The following ABR variants were observed in gnomAD, a reference collection of about 807,000 sequenced individuals.
ABR encodes active breakpoint cluster region-related protein.
ABR carries 35 observed loss-of-function variants against 107.2 expected under a neutral mutation model. That is an observed-to-expected ratio of 0.33 (90% CI 0.25 to 0.43). ABR has a LOEUF of 0.43. Ranked by LOEUF, ABR falls within the 20% of genes least tolerant of loss-of-function variation. ABR has a pLI of 1.00. For missense variants in ABR, 815 were observed against 1,115.2 expected (o/e 0.73, Z 3.83); for synonymous variants, 498 against 462.0 (o/e 1.08, Z -1.00).
At chr17:1,215,449 C>T (rs867349473) in intron 1 of ABR, among the ~76,000 whole-genome samples, 25 of 152,170 alleles carry the variant, frequency 1.6e-4, no homozygotes, top group African/African-American at 5.8e-4. Context: ...CTGTGTTGGC[C>T]GGGCTGGTCT....
At chr17:1,225,009 C>T (rs899326949) in intron 1 of ABR, among the ~76,000 whole-genome samples, 3 of 151,452 alleles carry the variant, frequency 2.0e-5, no homozygotes, top group Non-Finnish European at 2.9e-5. Context: ...ATTAGACAGG[C>T]GTGGTGGCGG....
chr17:1,207,649 CAAAA>C (rs376092819), intron 1 of ABR, among the ~76,000 whole-genome samples: 2 of 86,162 alleles, frequency 2.3e-5, no homozygotes, highest in Non-Finnish European at 4.6e-5. Flanking sequence ...AACTCCGTCT[CAAAA>C]AAAAAAAAAA....
Position 1,084,082 on chromosome 17 carries a change from G to A in ABR, c.532-455C>T, listed in dbSNP as rs999238750. 5.9e-5 allele frequency among the ~76,000 whole-genome samples: 9 copies of A among 152,212 alleles called. No homozygotes were observed. The highest frequency in any genetic ancestry group is 3.9e-4 in the East Asian group (2 of 5,178). On this transcript the variant is annotated intron_variant, in intron 4 of 22. Transcript: ENST00000302538. This position sits in a 1 kb window ranked among gnomAD's most constrained non-coding sequence, Gnocchi z 4.2. ...TCAGGCCTCCCTCCCCACGTGCAGC[G>A]TGGGGAACGACATTTAAAGGTGCTG... is the stretch of plus-strand genomic sequence containing the variant.
chr17:1,128,242 C>G (rs1403386970), intron 1 of ABR, among the ~76,000 whole-genome samples: 3 of 152,212 alleles, frequency 2.0e-5, no homozygotes, highest in Non-Finnish European at 2.9e-5. Flanking sequence ...AACCAATCCT[C>G]GGAGAAGGCA....
chr17:1,038,956 C>A (rs1056781966), intron 16 of ABR, among the ~76,000 whole-genome samples: 3 of 152,232 alleles, frequency 2.0e-5, no homozygotes, highest in African/African-American at 7.2e-5. Flanking sequence ...GAATCTATGT[C>A]TGCGGCTTTC....
intron 1 of ABR, among the ~76,000 whole-genome samples, chr17:1,146,778 G>C (rs372362824): frequency 7.9e-6 from 1 of 126,788 alleles, no homozygotes; most frequent in South Asian, 2.8e-4. Flanking sequence ...ACTGCCACCA[G>C]GCCACCACTG....
chr17:1,104,926 T>A (rs2038143335), intron 2 of ABR, among the ~76,000 whole-genome samples: 1 of 151,878 alleles, frequency 6.6e-6, no homozygotes, highest in African/African-American at 2.4e-5. Context: ...GTTGTTCATA[T>A]CCCACCCTTA....
At chr17:1,175,416 A>C (rs114322019) in intron 1 of ABR, among the ~76,000 whole-genome samples, 2,247 of 152,318 alleles carry the variant, frequency 0.015, 46 homozygotes, top group African/African-American at 0.051. Flanking sequence ...TGTCTCAAAA[A>C]AAAGAGAGCC....
At chr17:1,188,544 C>A (rs1213866849), upstream of ABR, among the ~76,000 whole-genome samples, 10 of 79,382 alleles carry the variant, frequency 1.3e-4, no homozygotes, top group African/African-American at 4.1e-4. Flanking sequence ...AGGGAGACTC[C>A]GTCTCAAAAA....
intron 2 of ABR, among the ~76,000 whole-genome samples, chr17:1,111,176 G>A (rs1027397445): frequency 5.3e-5 from 8 of 152,126 alleles, no homozygotes; most frequent in African/African-American, 1.4e-4. Flanking sequence ...GAGGACATGA[G>A]GTGCCCTTGG....
At position 1,159,541 on chromosome 17, in the gene ABR, C is replaced by A. The variant is rs1341842429; in HGVS notation, c.61+20126G>T. On this transcript the variant is annotated intron_variant, in intron 1 of 22. Coordinates refer to ENST00000302538, the MANE Select transcript of ABR (RefSeq NM_021962.5). The stretch of plus-strand genomic sequence containing the variant: ...GAAGTAGGAATGCGGTACTCACACA[C>A]GGGAGAAGTAGGAATGCGGTACTCA... 6.1e-4 allele frequency among the ~76,000 whole-genome samples: 50 copies of A among 81,726 alleles called. 2 individuals are homozygous for A. The highest frequency in any genetic ancestry group is 1.3e-3 in the South Asian group (3 of 2,368). 53.6% of individuals were successfully genotyped at this position (81,726 alleles called of 152,430 possible).
At position 1,049,918 on chromosome 17, in the gene ABR, C is replaced by G. The variant is rs573825746; in HGVS notation, c.1791+132G>C. ...CCTCTAGCAGGGAGGGGAGAACCACCTCCTGGGAACTTTCCTCCAACCAGC... is the reference window on the plus strand; with the variant it reads ...CCTCTAGCAGGGAGGGGAGAACCACGTCCTGGGAACTTTCCTCCAACCAGC... On this transcript the variant is annotated intron_variant, in intron 16 of 22. Coordinates refer to ENST00000302538, the MANE Select transcript of ABR (RefSeq NM_021962.5). The G allele has an allele frequency of 4.3e-4, 561 of 1,306,994 alleles. 5 individuals are homozygous for G. The highest frequency in any genetic ancestry group is 8.9e-4 in the Middle Eastern group (4 of 4,512). 81.0% of individuals were successfully genotyped at this position (1,306,994 alleles called of 1,614,324 possible). A position where few individuals can be genotyped will look rare whatever the true frequency, so the allele number is the denominator to read the frequency against.
intron 14 of ABR, among the ~76,000 whole-genome samples, chr17:1,054,049 G>A (rs539799074): frequency 3.9e-5 from 6 of 152,310 alleles, no homozygotes; most frequent in Admixed American, 1.3e-4. Context: ...TCTGGTGCCG[G>A]AAGACGTGGA....
chr17:1,108,748 C>A (rs888320278), intron 2 of ABR, among the ~76,000 whole-genome samples: 1 of 152,172 alleles, frequency 6.6e-6, no homozygotes, highest in Non-Finnish European at 1.5e-5. Flanking sequence ...CACCACTGCC[C>A]CGAGGACACC....
intron 6 of ABR, among the ~76,000 whole-genome samples, chr17:1,075,776 T>A (rs2035651908): frequency 6.6e-6 from 1 of 152,232 alleles, no homozygotes; most frequent in South Asian, 2.1e-4. Context: ...GCAGGGTGGC[T>A]CACGCCTGTA....
At chr17:1,159,849 G>T (rs1455591738) in intron 1 of ABR, among the ~76,000 whole-genome samples, 2 of 152,236 alleles carry the variant, frequency 1.3e-5, no homozygotes, top group African/African-American at 2.4e-5. Flanking sequence ...TTGGTCGTGG[G>T]TCCACGATGC....
Position 1,157,184 on chromosome 17 carries a change from G to A in ABR, c.61+22483C>T, listed in dbSNP as rs370184390. On this transcript the variant is annotated intron_variant, in intron 1 of 22. Coordinates refer to ENST00000302538, the MANE Select transcript of ABR (RefSeq NM_021962.5). The surrounding 1 kb of genome is among the most constrained non-coding windows in gnomAD (Gnocchi z 4.7). ...TGCTGAGTGGCAAAGCTTGGAACCC[G>A]GGCAGTCTGGTCTCAGACACTACCC... 2.1e-4 allele frequency among the ~76,000 whole-genome samples: 32 copies of A among 152,176 alleles called. No homozygotes were observed. The East Asian group carries it at 2.7e-3, about 13-fold the overall frequency.
intron 1 of ABR, among the ~76,000 whole-genome samples, chr17:1,146,638 C>A (rs916288329): frequency 2.4e-4 from 35 of 143,724 alleles, no homozygotes; most frequent in Admixed American, 9.7e-4. Flanking sequence ...CTGCCACATG[C>A]CACCACTGCC....
Position 1,076,931 on chromosome 17 carries a change from T to C in ABR, c.700+2399A>G, listed in dbSNP as rs1308417208. Among the ~76,000 whole-genome samples the C allele has an allele frequency of 2.0e-5, 3 of 152,118 alleles. No homozygotes were observed. The East Asian group carries it at 5.8e-4, about 29-fold the overall frequency. On this transcript the variant is annotated intron_variant, in intron 6 of 22. Coordinates refer to ENST00000302538, the MANE Select transcript of ABR (RefSeq NM_021962.5). ...CCTGCCCGGCCTCACCCACTCTCCC[T>C]CTCCACTGACACTGACTTGGGCAGC...
Sources: gnomAD v4.1 joint callset for allele counts (sites outside exome capture counted in the v4.1 genomes callset) on GRCh38, gnomAD v4.1.1 for gene constraint, Gnocchi (gnomAD v3.1) non-coding constraint, MANE v1.5 for transcripts, NCBI Gene and HGNC (gene_info 2026-07-23, HGNC 2026-07-21) for gene names.